The following UBAP1 variants were observed in gnomAD, a reference collection of about 807,000 sequenced individuals.
UBAP1 encodes the protein ubiquitin associated protein 1, also known as ubiquitin-associated protein 1.
A neutral mutation model predicts 39.0 loss-of-function variants in UBAP1; 5 were observed. That is an observed-to-expected ratio of 0.13 (90% confidence interval 0.07 to 0.27). The LOEUF (loss-of-function observed/expected upper bound fraction) is 0.27, where lower values mean the gene tolerates loss of function less well. Among genes scored for constraint, UBAP1 ranks in the 10% least tolerant of loss-of-function variants. The pLI is 1.00. For missense variants in UBAP1, 490 were observed against 608.1 expected, an observed-to-expected ratio of 0.81 and a Z score of 2.04; for synonymous variants, 211 against 225.1, an observed-to-expected ratio of 0.94 and a Z score of 0.56.
At chr9:34,217,542 G>A (rs1199141713) in intron 1 of UBAP1, among the ~76,000 whole-genome samples, 1 of 151,714 alleles carries the variant, frequency 6.6e-6, no homozygotes, top group Non-Finnish European at 1.5e-5. Flanking sequence ...GGCTGGTGGC[G>A]GTGGTGGTTT....
rs1245737655 is a variant in UBAP1, at chr9:34,241,582, GAA to G, written c.558_559del (p.Thr187HisfsTer12). ...GAAGAGCTGAGAAATATTCTGGTAG[GAA>G]CCACTGGACCCATTATGGCTCAGTT... On this transcript the variant is annotated frameshift_variant, in exon 4 of 7. Transcript: ENST00000297661. LOFTEE classifies it high-confidence loss of function. 1.5e-5 allele frequency: 25 copies of G among 1,613,982 alleles called. No individual in the cohort carries two copies. Among genetic ancestry groups the G allele is most frequent in the Non-Finnish European group, 1.7e-6 (2 of 1,180,016 alleles).
chr9:34,221,508 G>C lies in UBAP1; in HGVS notation c.34+560G>C, dbSNP rs531814711. ...TCGCACCACTGCACTCCAGCCTGGG[G>C]GACAGAGCGAGACTCCATTAAAAAA... On this transcript the variant is annotated intron_variant, in intron 2 of 6. Transcript: ENST00000297661. Among the ~76,000 whole-genome samples, 15 of 149,954 alleles carry C rather than the reference G, an allele frequency of 1.0e-4. No individual in the cohort carries two copies. The South Asian group carries it at 2.3e-3, about 23-fold the overall frequency.
chr9:34,184,940 T>C lies in UBAP1; in HGVS notation c.-8+5700T>C, dbSNP rs1344224738. On this transcript the variant is annotated intron_variant, in intron 1 of 6. Transcript: ENST00000297661. ...CCCAGCCAATCCTTTTTTTTTTTTT[T>C]TTTTTTTTTTTGAGATGAAGTCTCG... Among the ~76,000 whole-genome samples the C allele has an allele frequency of 1.2e-3, 75 of 60,604 alleles. 1 individual carries two copies. Among genetic ancestry groups the C allele is most frequent in the African/African-American group, 3.4e-3 (69 of 20,224 alleles). The allele number at this position is 60,604 out of a possible 152,430, so 39.8% of individuals were successfully genotyped here.
Position 34,251,729 on chromosome 9 carries a change from G to T in UBAP1, c.*197G>T. On this transcript the variant is annotated 3_prime_UTR_variant, in exon 7 of 7. Transcript: ENST00000297661. ...GTGGGGAAGATTCGGGCATGTGAGTGCCCCCAGAACTGTCCTGGCTCCTTC... is the reference window on the plus strand; with the variant it reads ...GTGGGGAAGATTCGGGCATGTGAGTTCCCCCAGAACTGTCCTGGCTCCTTC... The T allele has an allele frequency of 1.6e-6, 1 of 617,706 alleles. No homozygotes were observed. Among genetic ancestry groups the T allele is most frequent in the Non-Finnish European group, 2.8e-6 (1 of 357,944 alleles). The allele number at this position is 617,706 out of a possible 1,614,324, so 38.3% of individuals were successfully genotyped here. A position where few individuals can be genotyped will look rare whatever the true frequency, so the allele number is the denominator to read the frequency against.
chr9:34,182,005 C>G (rs982621193), intron 1 of UBAP1, among the ~76,000 whole-genome samples: 1 of 147,952 alleles, frequency 6.8e-6, no homozygotes, highest in Non-Finnish European at 1.5e-5. Context: ...TCTTATGTTG[C>G]CCAGTCTGAT....
intron 2 of UBAP1, among the ~76,000 whole-genome samples, chr9:34,231,125 TTATGTGTGTGTGTGTGTG>T (rs1833385141): frequency 2.1e-5 from 2 of 96,694 alleles, no homozygotes; most frequent in South Asian, 3.1e-4. Context: ...TTTAAAAAAA[TTATGTGTGTGTGTGTGTG>T]TGTGTGTGTG....
At position 34,202,002 on chromosome 9, in the gene UBAP1, G is replaced by A. The variant is rs73496344; in HGVS notation, c.-7-18906G>A. Among the ~76,000 whole-genome samples, 25 of 152,210 alleles carry A rather than the reference G, an allele frequency of 1.6e-4. 1 individual carries two copies. Among genetic ancestry groups the A allele is most frequent in the African/African-American group, 5.3e-4 (22 of 41,526 alleles). On this transcript the variant is annotated intron_variant, in intron 1 of 6. Coordinates refer to ENST00000297661, the MANE Select transcript of UBAP1 (RefSeq NM_016525.5). ...TGAAGAGATTTGTCTGGCAAGGTAG[G>A]GGGGAAGGTGCACTGACTTTCCATA...
At chr9:34,233,195 G>GTT (rs1446316862) in intron 2 of UBAP1, among the ~76,000 whole-genome samples, 3 of 147,960 alleles carry the variant, frequency 2.0e-5, no homozygotes, top group Non-Finnish European at 3.0e-5. Flanking sequence ...AGAATGTAGT[G>GTT]TTTTTTAAGC....
intron 1 of UBAP1, among the ~76,000 whole-genome samples, chr9:34,182,867 C>T (rs559395203): frequency 6.6e-6 from 1 of 152,024 alleles, no homozygotes; most frequent in Non-Finnish European, 1.5e-5. Flanking sequence ...CCCACCACCA[C>T]GCCTGGCTAA....
chr9:34,208,798 G>C (rs1831860793), intron 1 of UBAP1, among the ~76,000 whole-genome samples: 1 of 144,828 alleles, frequency 6.9e-6, no homozygotes, highest in South Asian at 2.2e-4. Context: ...AAAAAAATTA[G>C]CTGGGTGTGG....
At chr9:34,233,083 T>C (rs1367493295) in intron 2 of UBAP1, among the ~76,000 whole-genome samples, 1 of 152,220 alleles carries the variant, frequency 6.6e-6, no homozygotes, top group Non-Finnish European at 1.5e-5. Flanking sequence ...CCATTGTGTA[T>C]GGCTTGTGCT....
intron 1 of UBAP1, among the ~76,000 whole-genome samples, chr9:34,194,974 G>GTT (rs986679155): frequency 2.0e-5 from 3 of 152,104 alleles, no homozygotes; most frequent in African/African-American, 7.2e-5. Context: ...AACCTAGTAA[G>GTT]TTGCAGAACT....
At chr9:34,194,296 G>A (rs1013007356) in intron 1 of UBAP1, among the ~76,000 whole-genome samples, 31 of 151,692 alleles carry the variant, frequency 2.0e-4, no homozygotes, top group African/African-American at 7.2e-4. Context: ...ATACAGAGAT[G>A]TATAAAAAGA....
At chr9:34,240,959 G>T (rs1428911398) in intron 3 of UBAP1, among the ~76,000 whole-genome samples, 2 of 152,206 alleles carry the variant, frequency 1.3e-5, no homozygotes, top group African/African-American at 4.8e-5. Context: ...AGGAGGGTCT[G>T]TAGCCAGGTT....
At chr9:34,219,022 A>T (rs888783687) in intron 1 of UBAP1, among the ~76,000 whole-genome samples, 1 of 152,190 alleles carries the variant, frequency 6.6e-6, no homozygotes, top group African/African-American at 2.4e-5. Flanking sequence ...TATAAATTTA[A>T]TTCTCCATGA....
chr9:34,185,038 G>A (rs1407425469), intron 1 of UBAP1, among the ~76,000 whole-genome samples: 3 of 149,696 alleles, frequency 2.0e-5, no homozygotes, highest in Non-Finnish European at 4.4e-5. Context: ...GAGTTCAAGC[G>A]ATTCTCCTGT....
chr9:34,206,565 A>G (rs1323319182), intron 1 of UBAP1, among the ~76,000 whole-genome samples: 1 of 149,156 alleles, frequency 6.7e-6, no homozygotes, highest in African/African-American at 2.5e-5. Flanking sequence ...AAACTTATGT[A>G]TTACAGCATC....
chr9:34,247,455 C>T (rs777227775), intron 4 of UBAP1, among the ~76,000 whole-genome samples: 7 of 152,128 alleles, frequency 4.6e-5, no homozygotes, highest in Admixed American at 6.5e-5. Context: ...GACGGTGTCT[C>T]GCTGTGTCAA....
intron 1 of UBAP1, among the ~76,000 whole-genome samples, chr9:34,207,155 G>C (rs1563897837): frequency 7.0e-6 from 1 of 142,530 alleles, no homozygotes; most frequent in Non-Finnish European, 1.5e-5. Flanking sequence ...AGGTTTAAGT[G>C]ATTCTCCTGC....
Sources: allele counts gnomAD v4.1 joint callset (sites outside exome capture counted in the v4.1 genomes callset), GRCh38; gene constraint gnomAD v4.1.1; transcripts MANE v1.5; gene names NCBI Gene and HGNC (gene_info 2026-07-23, HGNC 2026-07-21).